The following MAP3K4 variants were observed in gnomAD, a reference collection of about 807,000 sequenced individuals.
MAP3K4 encodes MAP three kinase 1.
Under a neutral mutation model 185.6 loss-of-function variants are expected in MAP3K4, and 67 were observed. The observed-to-expected ratio is 0.36, with a 90% CI of 0.30 to 0.44. The LOEUF is 0.44. Among genes scored for constraint, MAP3K4 ranks in the 20% least tolerant of loss-of-function variants. The probability of loss-of-function intolerance (pLI) is 1.00; values close to 1 mark genes in which losing one functional copy is unlikely to be tolerated. For missense variants in MAP3K4, 1,551 were observed against 1,995.1 expected (o/e 0.78, Z 4.24); for synonymous variants, 702 against 710.4 (o/e 0.99, Z 0.19).
intron 1 of MAP3K4, among the ~76,000 whole-genome samples, chr6:160,994,824 C>T (rs1780917142): frequency 6.6e-6 from 1 of 152,164 alleles, no homozygotes; most frequent in South Asian, 2.1e-4. Context: ...CCTCAGCCTC[C>T]CGGGTAGCTG....
rs1315448763 is a variant in MAP3K4, at chr6:161,051,374, A to G, written c.1707+1395A>G. On this transcript the variant is annotated intron_variant, in intron 3 of 26. Coordinates refer to ENST00000392142, the MANE Select transcript of MAP3K4 (RefSeq NM_005922.4). This position sits in a 1 kb window ranked among gnomAD's most constrained non-coding sequence, Gnocchi z 4.2. ...AATTTTTTATTCTGACAGCCGGATT[A>G]TGAGCCCTTAGGAGGAACGGGTTAA... is the stretch of plus-strand genomic sequence containing the variant. Among the ~76,000 whole-genome samples, 1 of 152,222 alleles carries G rather than the reference A, an allele frequency of 6.6e-6. No homozygotes were observed. Among genetic ancestry groups the G allele is most frequent in the Non-Finnish European group, 1.5e-5 (1 of 68,040 alleles).
chr6:161,092,694 A>G (rs1777381021), intron 13 of MAP3K4, among the ~76,000 whole-genome samples: 1 of 152,218 alleles, frequency 6.6e-6, no homozygotes, highest in South Asian at 2.1e-4. Flanking sequence ...AAACTCATAA[A>G]TACTTGTTGA....
chr6:161,086,522 T>G lies in MAP3K4; in HGVS notation c.2472+44T>G, dbSNP rs564132560. ...TTAATTAGTACCTTTTTTCTTGTTT[T>G]TCTTTTATCTTATTTTTTTAATGCT... On this transcript the variant is annotated intron_variant, in intron 8 of 26. Transcript: ENST00000392142. This position sits in a 1 kb window ranked among gnomAD's most constrained non-coding sequence, Gnocchi z 4.8. 43 of 1,602,076 alleles carry G rather than the reference T, an allele frequency of 2.7e-5. No homozygotes were observed. The South Asian group carries it at 4.5e-4, about 17-fold the overall frequency.
intron 1 of MAP3K4, among the ~76,000 whole-genome samples, chr6:161,028,992 A>G (rs1322731305): frequency 1.3e-5 from 2 of 152,178 alleles, no homozygotes; most frequent in Non-Finnish European, 2.9e-5. Context: ...CCCTTTGATT[A>G]ATACTTCAGG....
rs1018132756 is a variant in MAP3K4, at chr6:161,077,214, A to G, written c.2097+3602A>G. Among the ~76,000 whole-genome samples the G allele has an allele frequency of 6.6e-6, 1 of 152,192 alleles. No individual in the cohort carries two copies. Among genetic ancestry groups the G allele is most frequent in the Admixed American group, 6.5e-5 (1 of 15,288 alleles). Reference sequence around the variant, plus strand: ...TTGCCTCTGGGGAGGGAGGAAAGAGATAGAAGTGAAGAGAGAACAAAGGAG... The same window carrying G: ...TTGCCTCTGGGGAGGGAGGAAAGAGGTAGAAGTGAAGAGAGAACAAAGGAG... On this transcript the variant is annotated intron_variant, in intron 5 of 26. Transcript: ENST00000392142. The surrounding 1 kb of genome is among the most constrained non-coding windows in gnomAD (Gnocchi z 4.3).
chr6:161,072,667 A>C (rs1429140315), intron 4 of MAP3K4, among the ~76,000 whole-genome samples: 1 of 152,208 alleles, frequency 6.6e-6, no homozygotes, highest in Admixed American at 6.5e-5. Context: ...AGTTTGTATC[A>C]GTTTACCTTT....
intron 11 of MAP3K4, among the ~76,000 whole-genome samples, chr6:161,090,983 C>G (rs1335444342): frequency 6.6e-6 from 1 of 152,138 alleles, no homozygotes; most frequent in Non-Finnish European, 1.5e-5. Context: ...TAGGGAGTAG[C>G]AGGGAAATGA....
At chr6:161,028,386 A>G (rs1207609364) in intron 1 of MAP3K4, among the ~76,000 whole-genome samples, 1 of 152,204 alleles carries the variant, frequency 6.6e-6, no homozygotes, top group Non-Finnish European at 1.5e-5. Flanking sequence ...TATTGGCAAA[A>G]ATCAACAATC....
rs368954512 is a variant in MAP3K4, at chr6:161,115,080, T to C, written c.4627-43T>C. 52 of 1,523,974 alleles carry C rather than the reference T, an allele frequency of 3.4e-5. 1 individual carries two copies. The East Asian group carries it at 4.3e-4, about 13-fold the overall frequency. 94.4% of individuals were successfully genotyped at this position (1,523,974 alleles called of 1,614,324 possible). ...ACTGAACATTTGCGTTGTTTGTGGC[T>C]GTGTAATATTAAAATCTGATTTTTT... On this transcript the variant is annotated intron_variant, in intron 25 of 26. Transcript: ENST00000392142. This position sits in a 1 kb window ranked among gnomAD's most constrained non-coding sequence, Gnocchi z 6.0.
At position 161,091,995 on chromosome 6, in the gene MAP3K4, G is replaced by T; in HGVS notation, c.3136-15G>T. The stretch of plus-strand genomic sequence containing the variant: ...TCATTTCCTTAATGTTGATATACAT[G>T]AAATCTTCTTACAGTATCATAAAGA... On this transcript the variant is annotated splice_polypyrimidine_tract_variant and intron_variant, in intron 12 of 26. Coordinates refer to ENST00000392142, the MANE Select transcript of MAP3K4 (RefSeq NM_005922.4). The surrounding 1 kb of genome is among the most constrained non-coding windows in gnomAD (Gnocchi z 5.5). 6.2e-7 allele frequency: 1 copy of T among 1,602,324 alleles called. No homozygotes were observed. The highest frequency in any genetic ancestry group is 1.1e-5 in the South Asian group (1 of 90,726).
Position 161,073,434 on chromosome 6 carries a change from G to T in MAP3K4, c.1951-32G>T. On this transcript the variant is annotated intron_variant, in intron 4 of 26. Transcript: ENST00000392142. This position sits in a 1 kb window ranked among gnomAD's most constrained non-coding sequence, Gnocchi z 4.2. Reference sequence around the variant, plus strand: ...CACGGATCGTCTGGTTGGAGTTTATGGCTGCTGGAACCTGTGTGTGTTGTT... The same window carrying T: ...CACGGATCGTCTGGTTGGAGTTTATTGCTGCTGGAACCTGTGTGTGTTGTT... 6.5e-7 allele frequency: 1 copy of T among 1,536,070 alleles called. No individual in the cohort carries two copies. The highest frequency in any genetic ancestry group is 8.8e-7 in the Non-Finnish European group (1 of 1,140,212).
At chr6:161,065,240 G>A (rs923836166) in intron 3 of MAP3K4, among the ~76,000 whole-genome samples, 1 of 152,180 alleles carries the variant, frequency 6.6e-6, no homozygotes, top group Non-Finnish European at 1.5e-5. Context: ...TAGATTCAAA[G>A]TGCATACCAA....
chr6:161,040,061 G>A (rs1288854378), intron 2 of MAP3K4, among the ~76,000 whole-genome samples: 1 of 152,130 alleles, frequency 6.6e-6, no homozygotes, highest in East Asian at 1.9e-4. Flanking sequence ...GATATTGTGC[G>A]TGTCATTCTG....
chr6:161,085,117 G>C (rs2114851134), intron 7 of MAP3K4, among the ~76,000 whole-genome samples: 1 of 149,908 alleles, frequency 6.7e-6, no homozygotes, highest in South Asian at 2.1e-4. Flanking sequence ...CTGCACTCCA[G>C]CCTGGGTGAC....
rs1781002397 is a variant in MAP3K4 at position 160,996,512 on chromosome 6, CTA to C, written c.152+4431_152+4432del. ...TTTAATAATTCCTCATTCCTCATGA[CTA>C]TGATTTTACTCATAGCATTCTATTG... On this transcript the variant is annotated intron_variant, in intron 1 of 26. Transcript: ENST00000392142. The surrounding 1 kb of genome is among the most constrained non-coding windows in gnomAD (Gnocchi z 4.5). Among the ~76,000 whole-genome samples the C allele has an allele frequency of 6.6e-6, 1 of 152,198 alleles. No homozygotes were observed. The highest frequency in any genetic ancestry group is 1.5e-5 in the Non-Finnish European group (1 of 68,042).
chr6:161,020,397 C>G (rs529835357), intron 1 of MAP3K4, among the ~76,000 whole-genome samples: 3 of 152,200 alleles, frequency 2.0e-5, no homozygotes, highest in African/African-American at 7.2e-5. Context: ...CAGTGGCTCA[C>G]GCCTGTAATC....
In MAP3K4 at chr6:160,991,827, AGAGGCG is replaced by A; in HGVS notation, c.-95_-90del. 1 of 1,269,444 alleles carries A rather than the reference AGAGGCG, an allele frequency of 7.9e-7. No individual in the cohort carries two copies. The highest frequency in any genetic ancestry group is 1.0e-6 in the Non-Finnish European group (1 of 980,800). The allele number at this position is 1,269,444 out of a possible 1,614,324, so 78.6% of individuals were successfully genotyped here. On this transcript the variant is annotated 5_prime_UTR_variant, in exon 1 of 27. Transcript: ENST00000392142. This position sits in a 1 kb window ranked among gnomAD's most constrained non-coding sequence, Gnocchi z 5.7. ...GCGCGCACGGCTCCTGCGGCGGGGT[AGAGGCG>A]GAGGCGGAGTCGAGTCACTCCCGCA...
rs544841363 is a variant in MAP3K4 at position 161,075,633 on chromosome 6, G to A, written c.2097+2021G>A. ...CCCTTTATCCTGTAGTGGCAGGGGA[G>A]CAGGGTGAGGAGCATCAGGCATGTG... is the stretch of plus-strand genomic sequence containing the variant. On this transcript the variant is annotated intron_variant, in intron 5 of 26. Coordinates refer to ENST00000392142, the MANE Select transcript of MAP3K4 (RefSeq NM_005922.4). This position sits in a 1 kb window ranked among gnomAD's most constrained non-coding sequence, Gnocchi z 4.3. Among the ~76,000 whole-genome samples the A allele has an allele frequency of 1.4e-4, 22 of 152,284 alleles. No homozygotes were observed. Among genetic ancestry groups the A allele is most frequent in the African/African-American group, 5.1e-4 (21 of 41,560 alleles).
In MAP3K4 at chr6:161,048,485, G is replaced by A. The variant is rs186038510; in HGVS notation, c.344-131G>A. ...TGATTCCTTTAATTTTTAGGATATG[G>A]TATGCTTTTTTTTCTTCCATTAGCA... On this transcript the variant is annotated intron_variant, in intron 2 of 26. Coordinates refer to ENST00000392142, the MANE Select transcript of MAP3K4 (RefSeq NM_005922.4). The surrounding 1 kb of genome is among the most constrained non-coding windows in gnomAD (Gnocchi z 4.7). 2.7e-4 allele frequency: 166 copies of A among 609,216 alleles called. No homozygotes were observed. Among genetic ancestry groups the A allele is most frequent in the Non-Finnish European group, 4.2e-4 (152 of 361,208 alleles). The allele number at this position is 609,216 out of a possible 1,614,324, so 37.7% of individuals were successfully genotyped here.
Sources: allele counts gnomAD v4.1 joint callset (sites outside exome capture counted in the v4.1 genomes callset), GRCh38; gene constraint gnomAD v4.1.1; non-coding constraint Gnocchi (gnomAD v3.1); transcripts MANE v1.5; gene names NCBI Gene and HGNC (gene_info 2026-07-23, HGNC 2026-07-21).